MAP3K12: variants seen among roughly 807,000 people sequenced by gnomAD.
The protein encoded by MAP3K12 is mitogen-activated protein kinase kinase kinase 12.
In MAP3K12, 14 loss-of-function variants were observed where a neutral mutation model predicts 87.5. That is an observed-to-expected ratio of 0.16 (90% CI 0.11 to 0.25). MAP3K12 has a LOEUF of 0.25. Ranked by LOEUF, MAP3K12 falls within the 10% of genes least tolerant of loss-of-function variation. The pLI is 1.00. For missense variants in MAP3K12, 802 were observed against 1,140.4 expected (o/e 0.70, Z 4.27); for synonymous variants, 469 against 452.5 (o/e 1.04, Z -0.46).
Position 53,483,025 on chromosome 12 carries a change from G to A in MAP3K12, c.1778C>T (p.Pro593Leu). ...ASAKGSCGDL[P>L]GLRTAVPPHE... ...GGGTGGCACAGCTGTACGAAGCCCA[G>A]GCAGGTCCCCACAGCTCCCCTTGGC... is the stretch of plus-strand genomic sequence containing the variant. The change falls in exon 11 of 14, where the codon CCT (proline) becomes CTT (leucine). Residue 593 changes from proline (P) to leucine (L), a missense_variant. Coordinates refer to ENST00000547488, the MANE Select transcript of MAP3K12 (RefSeq NM_001193511.2). 3 of 1,558,092 alleles carry A rather than the reference G, an allele frequency of 1.9e-6. No individual in the cohort carries two copies. The highest frequency in any genetic ancestry group is 1.4e-5 in the African/African-American group (1 of 73,152).
chr12:53,487,286 A>C lies in MAP3K12; in HGVS notation c.106T>G (p.Cys36Gly). The change falls in exon 2 of 14, where the codon TGC becomes GGC. Residue 36 changes from cysteine (C) to glycine (G), a missense_variant. Transcript: ENST00000547488. ...GGCGTCAGGTCCTTCTCGGGAGTGC[A>C]GTCAGAAGTGTCTGGGTCCAGCTTG... ...MRKLDPDTSD[C>G]TPEKDLTPTQ... is the part of the protein sequence containing the mutation. 6.2e-7 allele frequency: 1 copy of C among 1,613,904 alleles called. No individual in the cohort carries two copies. Among genetic ancestry groups the C allele is most frequent in the Non-Finnish European group, 8.5e-7 (1 of 1,179,978 alleles).
chr12:53,495,513 G>A (rs1943529184), intron 1 of MAP3K12, among the ~76,000 whole-genome samples: 1 of 125,304 alleles, frequency 8.0e-6, no homozygotes, highest in Non-Finnish European at 1.6e-5. Context: ...CTGCACTCTA[G>A]CCTGGGCAAC....
At position 53,482,799 on chromosome 12, in the gene MAP3K12, T is replaced by G. The variant is rs1592707937; in HGVS notation, c.2004A>C (p.Pro668=). Residue 668 remains proline (P), a synonymous_variant, in exon 11 of 14, where the codon CCA becomes CCC. Coordinates refer to ENST00000547488, the MANE Select transcript of MAP3K12 (RefSeq NM_001193511.2). ...GTGGGGTGTCACCCCGGGCCGGAGG[T>G]GGTGAGCCAGGATCCCCAGCTCCGC... ...ATGGAGDPGS[P]PPARGDTPPS... 1 of 1,611,302 alleles carries G rather than the reference T, an allele frequency of 6.2e-7. No homozygotes were observed. Among genetic ancestry groups the G allele is most frequent in the Admixed American group, 1.7e-5 (1 of 59,856 alleles).
chr12:53,485,863 C>G (rs1943215303), intron 4 of MAP3K12, 193 bp downstream of exon 4: 1 of 598,058 alleles, frequency 1.7e-6, no homozygotes. Flanking sequence ...GCCTGCCTTT[C>G]AGTTTAAAAT....
upstream of MAP3K12, chr12:53,501,339 G>C: frequency 6.5e-7 from 1 of 1,535,692 alleles, no homozygotes; most frequent in Non-Finnish European, 8.8e-7. Context: ...CCCGGCCCTA[G>C]CTCGTCGGCT....
At chr12:53,495,840 G>A (rs1442201329) in intron 1 of MAP3K12, among the ~76,000 whole-genome samples, 1 of 152,120 alleles carries the variant, frequency 6.6e-6, no homozygotes, top group East Asian at 1.9e-4. Context: ...CCCTAAATTC[G>A]GGTCTTTGAT....
At chr12:53,495,526 A>G (rs1435475548) in intron 1 of MAP3K12, among the ~76,000 whole-genome samples, 1 of 122,736 alleles carries the variant, frequency 8.1e-6, no homozygotes, top group African/African-American at 3.1e-5. Flanking sequence ...TGGGCAACAG[A>G]GCGAGACTCC....
rs1437038024 is a variant in MAP3K12 at position 53,482,361 on chromosome 12, G to T, written c.2247C>A (p.Gly749=). The change falls in exon 12 of 14, where the codon GGC becomes GGA. Residue 749 remains glycine (G), a synonymous_variant. Coordinates refer to ENST00000547488, the MANE Select transcript of MAP3K12 (RefSeq NM_001193511.2). ...CTCCTTCCTCCTCTTCCGATGAGAT[G>T]CCACGTTTCTGCAGGAGAGATGGGG... The part of the protein sequence containing the change: ...RAAVTRSQKR[G]ISSEEEEGEV... 6 of 1,613,710 alleles carry T rather than the reference G, an allele frequency of 3.7e-6. No individual in the cohort carries two copies. Among genetic ancestry groups the T allele is most frequent in the Non-Finnish European group, 5.1e-6 (6 of 1,179,928 alleles).
At chr12:53,485,535 C>T in intron 4 of MAP3K12, 60 bp from the exon 5 acceptor site, 1 of 1,548,548 alleles carries the variant, frequency 6.5e-7, no homozygotes, top group South Asian at 1.2e-5. Flanking sequence ...TCTAACTCTG[C>T]AGCAACTCTG....
Position 53,491,301 on chromosome 12 carries a change from A to AAAAAAAGAAAAAG in MAP3K12, c.-37-3874_-37-3873insCTTTTTCTTTTTT, listed in dbSNP as rs796169121. Among the ~76,000 whole-genome samples the AAAAAAAGAAAAAG allele has an allele frequency of 4.1e-3, 420 of 101,532 alleles. 9 individuals carry two copies. Among genetic ancestry groups the AAAAAAAGAAAAAG allele is most frequent in the Non-Finnish European group, 5.8e-3 (302 of 52,264 alleles). 66.6% of individuals were successfully genotyped at this position (101,532 alleles called of 152,430 possible). On this transcript the variant is annotated intron_variant, in intron 1 of 13. Transcript: ENST00000547488. ...AGACTCTGTCTCAAAAAAAAAAAAA[A>AAAAAAAGAAAAAG]AAAAGAAAAGAAAAGAAAAACAGGC...
upstream of MAP3K12, chr12:53,500,801 C>G (rs1239316007): frequency 6.6e-6 from 1 of 151,414 alleles, no homozygotes; most frequent in Non-Finnish European, 1.5e-5. Context: ...TCGGGGGGGG[C>G]TGACTTTTCC....
intron 7 of MAP3K12, 68 bp from the exon 8 acceptor site, chr12:53,484,088 C>G (rs1371368008): frequency 1.3e-6 from 2 of 1,508,786 alleles, no homozygotes; most frequent in East Asian, 2.3e-5. Flanking sequence ...TGCAGGTTGC[C>G]CACACCACTG....
rs1943001296 is a variant in MAP3K12 at position 53,480,823 on chromosome 12, C to T, written c.*359G>A. 6.6e-6 allele frequency: 1 copy of T among 152,566 alleles called. No homozygotes were observed. Among genetic ancestry groups the T allele is most frequent in the African/African-American group, 2.4e-5 (1 of 41,386 alleles). The allele number at this position is 152,566 out of a possible 1,614,324, so 9.5% of individuals were successfully genotyped here. A position where few individuals can be genotyped will look rare whatever the true frequency, so the allele number is the denominator to read the frequency against. ...AGAAAAGTGCAGTCTAAGTGGTTTT[C>T]TCTCCTGCCCCTCCCACCGCCCCTC... On this transcript the variant is annotated 3_prime_UTR_variant, in exon 14 of 14. Transcript: ENST00000547488.
At chr12:53,496,373 T>C (rs1213103106) in intron 1 of MAP3K12, among the ~76,000 whole-genome samples, 1 of 152,176 alleles carries the variant, frequency 6.6e-6, no homozygotes, top group Non-Finnish European at 1.5e-5. Flanking sequence ...CCTCACTCCC[T>C]GGCCAGTTGT....
chr12:53,491,287 C>CGAAAAAAAA (rs1943392247), intron 1 of MAP3K12, among the ~76,000 whole-genome samples: 1 of 52,862 alleles, frequency 1.9e-5, no homozygotes, highest in Non-Finnish European at 3.5e-5. Context: ...GACTCTGTCT[C>CGAAAAAAAA]AAAAAAAAAA....
At chr12:53,481,498 C>T (rs1943043503) in intron 13 of MAP3K12, 2 of 305,834 alleles carry the variant, frequency 6.5e-6, no homozygotes, top group Non-Finnish European at 6.1e-6. Context: ...TACAGGCATG[C>T]ACCACCACGC....
Position 53,487,462 on chromosome 12 carries a change from TA to T in MAP3K12, c.-37-35del, listed in dbSNP as rs1565888273. On this transcript the variant is annotated intron_variant, in intron 1 of 13. Transcript: ENST00000547488. ...ATGAAGGAAGGAGGGGCTGGGCTGT[TA>T]AAGCCCCAGGACTGCCTGCTCAGGA... The T allele has an allele frequency of 1.1e-5, 17 of 1,540,602 alleles. No individual in the cohort carries two copies. The East Asian group carries it at 1.4e-4, about 12-fold the overall frequency.
chr12:53,493,842 T>C (rs916025377), intron 1 of MAP3K12: 4 of 152,374 alleles, frequency 2.6e-5, no homozygotes, highest in African/African-American at 9.6e-5. Flanking sequence ...GAGGCCCTTC[T>C]GGTATCCAGG....
intron 13 of MAP3K12, 22 bp from the exon 14 acceptor site, chr12:53,481,302 G>T: frequency 1.4e-6 from 2 of 1,422,672 alleles, no homozygotes; most frequent in Admixed American, 2.4e-5. Context: ...AGTAGAAATG[G>T]AGTGAGATTC....
Sources: allele counts gnomAD v4.1 joint callset (sites outside exome capture counted in the v4.1 genomes callset), GRCh38; gene constraint gnomAD v4.1.1; transcripts MANE v1.5; gene names NCBI Gene and HGNC (gene_info 2026-07-23, HGNC 2026-07-21).